RNGTT: variants seen among roughly 807,000 people sequenced by gnomAD.
The protein encoded by RNGTT is RNA guanylyltransferase and 5'-phosphatase.
In RNGTT, 33 loss-of-function variants were observed where a neutral mutation model predicts 79.3. The ratio of observed to expected loss-of-function variants is 0.42; its 90% CI spans 0.32 to 0.56. The LOEUF is 0.56. Among genes scored for constraint, RNGTT ranks in the 20% least tolerant of loss-of-function variants. The pLI is 0.17. For missense variants in RNGTT, 497 were observed against 739.1 expected (o/e 0.67, Z 3.80); for synonymous variants, 222 against 235.9 (o/e 0.94, Z 0.54).
intron 13 of RNGTT, among the ~76,000 whole-genome samples, chr6:88,717,599 T>C (rs1776562606): frequency 1.3e-5 from 2 of 152,196 alleles, no homozygotes; most frequent in African/African-American, 2.4e-5. Flanking sequence ...TGATGATCAA[T>C]ACTTTGGGTT....
At chr6:88,768,849 C>CA (rs11459286) in intron 13 of RNGTT, among the ~76,000 whole-genome samples, 31,632 of 151,846 alleles carry the variant, frequency 0.21, 4,211 homozygotes, top group African/African-American at 0.37. Flanking sequence ...AGATAGCAAC[C>CA]AAAAAGTCAT....
intron 4 of RNGTT, among the ~76,000 whole-genome samples, chr6:88,911,379 G>A (rs1402925693): frequency 3.3e-5 from 5 of 152,128 alleles, no homozygotes; most frequent in South Asian, 2.1e-4. Context: ...AATAAAAAAG[G>A]ACAAAGAGGA....
chr6:88,786,869 T>C (rs1271613915), intron 12 of RNGTT, among the ~76,000 whole-genome samples: 1 of 152,000 alleles, frequency 6.6e-6, no homozygotes, highest in East Asian at 1.9e-4. Flanking sequence ...CTTTGGGAGG[T>C]GATTAAGTCA....
chr6:88,829,928 C>T lies in RNGTT; in HGVS notation c.1269+14429G>A, dbSNP rs374172384. Among the ~76,000 whole-genome samples the T allele has an allele frequency of 1.6e-4, 25 of 152,230 alleles. No individual in the cohort carries two copies. In the South Asian group the frequency reaches 4.8e-3, roughly 29 times the overall value. On this transcript the variant is annotated intron_variant, in intron 11 of 15. Transcript: ENST00000369485. ...GCCTACAAAGAGACTTAGACTCCCA[C>T]ACAATAATAGTGGGAGACTTTTAAC...
chr6:88,659,608 AT>A (rs891421421), intron 14 of RNGTT, among the ~76,000 whole-genome samples: 1 of 140,310 alleles, frequency 7.1e-6, no homozygotes, highest in Non-Finnish European at 1.5e-5. Flanking sequence ...GAGAAAAAGA[AT>A]TAAAAAAAAA....
At position 88,880,265 on chromosome 6, in the gene RNGTT, T is replaced by C. The variant is rs148810422; in HGVS notation, c.896+10230A>G. On this transcript the variant is annotated intron_variant, in intron 8 of 15. Transcript: ENST00000369485. ...GAGGGAGGAAATTCCCAGACCAGGA[T>C]GCAGGAAAATAAACCTGTCTATAAT... Among the ~76,000 whole-genome samples the C allele has an allele frequency of 4.9e-3, 753 of 152,248 alleles. 5 individuals are homozygous for C. Among genetic ancestry groups the C allele is most frequent in the African/African-American group, 0.017 (698 of 41,560 alleles).
intron 8 of RNGTT, among the ~76,000 whole-genome samples, chr6:88,860,729 C>T (rs1027756015): frequency 6.6e-6 from 1 of 151,754 alleles, no homozygotes; most frequent in Non-Finnish European, 1.5e-5. Flanking sequence ...AATCCTAGCA[C>T]TCTGGGAGGC....
At chr6:88,866,999 T>C (rs1415291223) in intron 8 of RNGTT, among the ~76,000 whole-genome samples, 1 of 152,230 alleles carries the variant, frequency 6.6e-6, no homozygotes, top group Non-Finnish European at 1.5e-5. Flanking sequence ...ATGTGGTCCC[T>C]GGACCAATAG....
At chr6:88,711,326 A>G (rs1054441011) in intron 13 of RNGTT, among the ~76,000 whole-genome samples, 1 of 152,222 alleles carries the variant, frequency 6.6e-6, no homozygotes, top group Non-Finnish European at 1.5e-5. Context: ...GCTTAGTTCC[A>G]ATCTTGACAA....
At chr6:88,730,482 C>T (rs921521755) in intron 13 of RNGTT, among the ~76,000 whole-genome samples, 4 of 152,212 alleles carry the variant, frequency 2.6e-5, no homozygotes, top group African/African-American at 9.6e-5. Flanking sequence ...TCTGTAAGGG[C>T]GCACCCTTCT....
intron 11 of RNGTT, among the ~76,000 whole-genome samples, chr6:88,843,942 A>G (rs1213357056): frequency 6.8e-6 from 1 of 147,632 alleles, no homozygotes. Flanking sequence ...ATATCTATAT[A>G]TATATCTGTA....
intron 4 of RNGTT, among the ~76,000 whole-genome samples, chr6:88,912,240 CAA>C (rs780443086): frequency 7.1e-6 from 1 of 140,318 alleles, no homozygotes; most frequent in Non-Finnish European, 1.6e-5. Flanking sequence ...CCATCTCTAC[CAA>C]AAAAAAAAAA....
rs1436416563 is a variant in RNGTT at position 88,618,759 on chromosome 6, C to T, written c.1507-4364G>A. On this transcript the variant is annotated intron_variant, in intron 14 of 15. Transcript: ENST00000369485. Reference sequence around the variant, plus strand: ...CTATAAATAATCTGGGGTTAAGAAACTATCAGATGAAAACGGATCTAGTAC... The same window carrying T: ...CTATAAATAATCTGGGGTTAAGAAATTATCAGATGAAAACGGATCTAGTAC... 2.6e-5 allele frequency among the ~76,000 whole-genome samples: 4 copies of T among 152,170 alleles called. No individual in the cohort carries two copies. In the South Asian group the frequency reaches 6.2e-4, roughly 24 times the overall value.
chr6:88,718,170 T>G (rs1295429373), intron 13 of RNGTT, among the ~76,000 whole-genome samples: 1 of 152,040 alleles, frequency 6.6e-6, no homozygotes, highest in African/African-American at 2.4e-5. Flanking sequence ...GCGGATTACT[T>G]GAGGCCAGGA....
chr6:88,957,815 C>A (rs1474128493), intron 1 of RNGTT, among the ~76,000 whole-genome samples: 1 of 152,152 alleles, frequency 6.6e-6, no homozygotes, highest in African/African-American at 2.4e-5. Flanking sequence ...CAAAAGCAAT[C>A]TTTAGATTCA....
chr6:88,939,201 C>G lies in RNGTT; in HGVS notation c.174+1870G>C, dbSNP rs543187759. 1.8e-4 allele frequency among the ~76,000 whole-genome samples: 27 copies of G among 152,204 alleles called. No homozygotes were observed. In the South Asian group the frequency reaches 1.9e-3, roughly 11 times the overall value. On this transcript the variant is annotated intron_variant, in intron 2 of 15. Transcript: ENST00000369485. ...ATTTCATTAAATAGGTTTTCTAACCCTTTTGTTCTCTCTTCATCTTCTGGA... is the reference window on the plus strand; with the variant it reads ...ATTTCATTAAATAGGTTTTCTAACCGTTTTGTTCTCTCTTCATCTTCTGGA...
intron 11 of RNGTT, among the ~76,000 whole-genome samples, chr6:88,831,582 T>G (rs1301204848): frequency 6.6e-6 from 1 of 152,242 alleles, no homozygotes; most frequent in East Asian, 1.9e-4. Flanking sequence ...ATTGAAGTTC[T>G]GGACAGGGCA....
intron 13 of RNGTT, among the ~76,000 whole-genome samples, chr6:88,736,821 T>C (rs530908201): frequency 2.6e-5 from 4 of 152,302 alleles, no homozygotes; most frequent in African/African-American, 9.6e-5. Flanking sequence ...GATGGAAACA[T>C]ACAACCATCA....
intron 13 of RNGTT, among the ~76,000 whole-genome samples, chr6:88,684,853 G>T (rs1317586940): frequency 2.0e-5 from 3 of 152,238 alleles, no homozygotes; most frequent in South Asian, 2.1e-4. Context: ...TACTGATAGT[G>T]GGGGAGGGCC....
Sources: allele counts gnomAD v4.1 joint callset (sites outside exome capture counted in the v4.1 genomes callset), GRCh38; gene constraint gnomAD v4.1.1; transcripts MANE v1.5; gene names NCBI Gene and HGNC (gene_info 2026-07-23, HGNC 2026-07-21).